ZNF382: variants seen among roughly 807,000 people sequenced by gnomAD.
The protein encoded by ZNF382 is zinc finger protein 382, also known as KRAB/zinc finger suppressor protein 1.
ZNF382 carries 20 observed loss-of-function variants against 38.8 expected under a neutral mutation model. That is an observed-to-expected ratio of 0.51 (90% confidence interval 0.36 to 0.75). The LOEUF (loss-of-function observed/expected upper bound fraction) is 0.75, where lower values mean the gene tolerates loss of function less well. Ranked by LOEUF, ZNF382 falls within the 30% of genes least tolerant of loss-of-function variation. The pLI is 0.00. For missense variants in ZNF382, 546 were observed against 654.1 expected, an observed-to-expected ratio of 0.83 and a Z score of 1.80; for synonymous variants, 202 against 223.1, an observed-to-expected ratio of 0.91 and a Z score of 0.84.
chr19:36,621,746 C>A (rs189884617), intron 4 of ZNF382, among the ~76,000 whole-genome samples: 7 of 152,172 alleles, frequency 4.6e-5, no homozygotes, highest in Admixed American at 4.6e-4. Context: ...GCAAATACTA[C>A]ACTATTTTAT....
intron 4 of ZNF382, among the ~76,000 whole-genome samples, chr19:36,617,205 T>G (rs986952998): frequency 6.6e-6 from 1 of 151,792 alleles, no homozygotes; most frequent in Non-Finnish European, 1.5e-5. Flanking sequence ...GCCCTGAGAG[T>G]CAGGAAGTAA....
chr19:36,621,084 G>T (rs557070894), intron 4 of ZNF382, among the ~76,000 whole-genome samples: 1 of 152,058 alleles, frequency 6.6e-6, no homozygotes, highest in African/African-American at 2.4e-5. Flanking sequence ...ATTTATTATT[G>T]TTTGTTTCTG....
Position 36,614,880 on chromosome 19 carries a change from C to CTTCCTTTCCTTTCCTTTCCTTTCCT in ZNF382, c.232+4150_232+4174dup, listed in dbSNP as rs376641731. Among the ~76,000 whole-genome samples the CTTCCTTTCCTTTCCTTTCCTTTCCT allele has an allele frequency of 4.1e-4, 37 of 89,880 alleles. 1 individual carries two copies. Among genetic ancestry groups the CTTCCTTTCCTTTCCTTTCCTTTCCT allele is most frequent in the African/African-American group, 8.8e-4 (20 of 22,672 alleles). The allele number at this position is 89,880 out of a possible 152,430, so 59.0% of individuals were successfully genotyped here. On this transcript the variant is annotated intron_variant, in intron 4 of 4. Transcript: ENST00000292928. ...GAACCATTTCTTTCTTTCTTTCTTT[C>CTTCCTTTCCTTTCCTTTCCTTTCCT]TTCCTTTCCTTTCCTTTCCTTTCCT...
chr19:36,626,990 G>T lies in ZNF382; in HGVS notation c.1093G>T (p.Ala365Ser). Residue 365 changes from alanine to serine, a missense_variant, in exon 5 of 5, where the codon GCC (alanine) becomes TCC (serine). Transcript: ENST00000292928. Reference protein sequence around the residue: ...IDCGKSFRQKATLTRHHKTHT... With the variant: ...IDCGKSFRQKSTLTRHHKTHT... ...TTGTGGGAAGTCCTTCCGCCAGAAGGCCACCCTCACTAGACATCACAAAAC... is the reference window on the plus strand; with the variant it reads ...TTGTGGGAAGTCCTTCCGCCAGAAGTCCACCCTCACTAGACATCACAAAAC... The T allele has an allele frequency of 6.2e-7, 1 of 1,614,022 alleles. No homozygotes were observed. Among genetic ancestry groups the T allele is most frequent in the Non-Finnish European group, 8.5e-7 (1 of 1,179,982 alleles).
At chr19:36,617,803 G>A (rs947444776) in intron 4 of ZNF382, among the ~76,000 whole-genome samples, 1 of 152,130 alleles carries the variant, frequency 6.6e-6, no homozygotes, top group African/African-American at 2.4e-5. Context: ...TGGAGGGGTT[G>A]GTGAGGAGAG....
At chr19:36,616,759 T>C (rs1325705607) in intron 4 of ZNF382, among the ~76,000 whole-genome samples, 2 of 152,184 alleles carry the variant, frequency 1.3e-5, no homozygotes, top group Non-Finnish European at 2.9e-5. Flanking sequence ...GAATAAAATA[T>C]CCACTTTGTT....
intron 2 of ZNF382, 140 bp downstream of exon 2, chr19:36,607,762 G>A: frequency 3.4e-6 from 3 of 893,806 alleles, no homozygotes; most frequent in Non-Finnish European, 3.3e-6. Context: ...ATTAGGCTGA[G>A]GCAGGCAAGT....
Position 36,632,129 on chromosome 19 carries a change from G to A in ZNF382, c.*4579G>A, listed in dbSNP as rs968925737. The A allele has an allele frequency of 6.6e-6, 1 of 152,204 alleles. No individual in the cohort carries two copies. The highest frequency in any genetic ancestry group is 1.5e-5 in the Non-Finnish European group (1 of 68,054). 9.4% of individuals were successfully genotyped at this position (152,204 alleles called of 1,614,324 possible). ...TCTCTGAACTGAAGCACTAAGACCT[G>A]TATCAAACTTGATTTGGGGAGAGCT... On this transcript the variant is annotated 3_prime_UTR_variant, in exon 5 of 5. Transcript: ENST00000292928.
intron 4 of ZNF382, among the ~76,000 whole-genome samples, chr19:36,621,324 G>GTTTT (rs10557413): frequency 2.9e-5 from 3 of 104,466 alleles, no homozygotes; most frequent in Admixed American, 1.0e-4. Flanking sequence ...TTTTTCCCTA[G>GTTTT]TTTTTTTTTT....
chr19:36,614,973 C>T (rs1328908630), intron 4 of ZNF382, among the ~76,000 whole-genome samples: 2 of 133,712 alleles, frequency 1.5e-5, no homozygotes, highest in African/African-American at 5.9e-5. Context: ...CCTTTCCTTT[C>T]CTTTCCTTCT....
Position 36,626,933 on chromosome 19 carries a change from C to T in ZNF382, c.1036C>T (p.His346Tyr), listed in dbSNP as rs2037218794. The T allele has an allele frequency of 6.2e-7, 1 of 1,614,224 alleles. No individual in the cohort carries two copies. Among genetic ancestry groups the T allele is most frequent in the Non-Finnish European group, 8.5e-7 (1 of 1,180,020 alleles). The change falls in exon 5 of 5, where the codon CAT becomes TAT. Residue 346 changes from histidine to tyrosine, a missense_variant. Transcript: ENST00000292928. The part of the protein sequence containing the change: ...KTALTLHEKT[H>Y]IEGKPFICID... ...AGCCCTCACCCTTCATGAGAAAACA[C>T]ATATAGAGGGGAAACCCTTTATTTG...
chr19:36,630,952 T>A lies in ZNF382; in HGVS notation c.*3402T>A, dbSNP rs148800457. 1 of 151,962 alleles carries A rather than the reference T, an allele frequency of 6.6e-6. No homozygotes were observed. Among genetic ancestry groups the A allele is most frequent in the African/African-American group, 2.4e-5 (1 of 41,366 alleles). 9.4% of individuals were successfully genotyped at this position (151,962 alleles called of 1,614,324 possible). On this transcript the variant is annotated 3_prime_UTR_variant, in exon 5 of 5. Coordinates refer to ENST00000292928, the MANE Select transcript of ZNF382 (RefSeq NM_032825.5). Reference sequence around the variant, plus strand: ...GGCAGGCGCCATTCCTCTCAGCTAATGTTTTTATTTTTTATACATATGGGG... The same window carrying A: ...GGCAGGCGCCATTCCTCTCAGCTAAAGTTTTTATTTTTTATACATATGGGG...
Position 36,627,089 on chromosome 19 carries a change from C to T in ZNF382, c.1192C>T (p.His398Tyr). The T allele has an allele frequency of 6.2e-7, 1 of 1,614,102 alleles. No homozygotes were observed. Among genetic ancestry groups the T allele is most frequent in the Non-Finnish European group, 8.5e-7 (1 of 1,180,032 alleles). The change falls in exon 5 of 5, where the codon CAC becomes TAC. Residue 398 changes from histidine to tyrosine, a missense_variant. His to Tyr is a moderately conservative substitution (Grantham distance 83, BLOSUM62 2). Transcript: ENST00000292928. ...TAGGAAGAAGTCATACCTCATTGAT[C>T]ACCAGAGAACTCACACAGGAGAGAA... is the stretch of plus-strand genomic sequence containing the variant. ...AFRKKSYLIDHQRTHTGEKPY... is the reference protein window; with the variant it reads ...AFRKKSYLIDYQRTHTGEKPY...
In ZNF382 at chr19:36,627,010, C is replaced by A; in HGVS notation, c.1113C>A (p.His371Gln). The A allele has an allele frequency of 6.2e-7, 1 of 1,613,800 alleles. No individual in the cohort carries two copies. The highest frequency in any genetic ancestry group is 8.5e-7 in the Non-Finnish European group (1 of 1,179,946). ...FRQKATLTRH[H>Q]KTHTGEKAYE... ...AGAAGGCCACCCTCACTAGACATCA[C>A]AAAACACATACGGGGGAGAAAGCCT... Residue 371 changes from histidine to glutamine, a missense_variant, in exon 5 of 5, where the codon CAC becomes CAA. Coordinates refer to ENST00000292928, the MANE Select transcript of ZNF382 (RefSeq NM_032825.5).
chr19:36,620,915 C>T (rs3096633), intron 4 of ZNF382, among the ~76,000 whole-genome samples: 98,932 of 151,800 alleles, frequency 0.65, 32,440 homozygotes, highest in East Asian at 0.8. Context: ...CGTGCCACCA[C>T]GCCTGGCTAA....
At chr19:36,625,181 C>T (rs2037202497) in intron 4 of ZNF382, among the ~76,000 whole-genome samples, 1 of 131,452 alleles carries the variant, frequency 7.6e-6, no homozygotes, top group African/African-American at 2.8e-5. Context: ...TTGTCTTTTG[C>T]TGTATTTTAT....
chr19:36,610,723 T>C lies in ZNF382; in HGVS notation c.213T>C (p.Phe71=), dbSNP rs1214987526. 1.9e-6 allele frequency: 3 copies of C among 1,613,250 alleles called. No homozygotes were observed. Among genetic ancestry groups the C allele is most frequent in the Non-Finnish European group, 2.5e-6 (3 of 1,179,416 alleles). Reference sequence around the variant, plus strand: ...AAGAGCTATGGACACAGAGAATTTTTCCAAGTTACAGCTACCTAGGTGAGT... The same window carrying C: ...AAGAGCTATGGACACAGAGAATTTTCCCAAGTTACAGCTACCTAGGTGAGT... ...QGEELWTQRI[F]PSYSYLEEDG... Residue 71 remains phenylalanine (F), a synonymous_variant, in exon 4 of 5, where the codon TTT becomes TTC. Coordinates refer to ENST00000292928, the MANE Select transcript of ZNF382 (RefSeq NM_032825.5).
intron 4 of ZNF382, among the ~76,000 whole-genome samples, chr19:36,612,059 C>T (rs1006914219): frequency 6.6e-6 from 1 of 152,130 alleles, no homozygotes; most frequent in South Asian, 2.1e-4. Flanking sequence ...TCTTTGAATT[C>T]TGACAGAAGG....
intron 4 of ZNF382, among the ~76,000 whole-genome samples, chr19:36,617,475 A>G (rs1049331112): frequency 8.5e-5 from 13 of 152,168 alleles, no homozygotes; most frequent in Non-Finnish European, 1.9e-4. Context: ...CCAAGGCTCA[A>G]AAGGTGTGCA....
Sources: gnomAD v4.1 joint callset for allele counts (sites outside exome capture counted in the v4.1 genomes callset) on GRCh38, gnomAD v4.1.1 for gene constraint, MANE v1.5 for transcripts, NCBI Gene and HGNC (gene_info 2026-07-23, HGNC 2026-07-21) for gene names.